IPCEF1: variants seen among roughly 807,000 people sequenced by gnomAD.
IPCEF1 encodes the protein interactor protein for cytohesin exchange factors 1.
Under a neutral mutation model 50.9 loss-of-function variants are expected in IPCEF1, and 31 were observed. The observed-to-expected ratio is 0.61, with a 90% confidence interval of 0.46 to 0.82. The LOEUF is 0.82. Among genes scored for constraint, IPCEF1 ranks in the 40% least tolerant of loss-of-function variants. IPCEF1 has a pLI of 0.00. For synonymous variants in IPCEF1, 181 were observed against 192.0 expected, an observed-to-expected ratio of 0.94 and a Z score of 0.47; for missense variants, 458 against 514.0, an observed-to-expected ratio of 0.89 and a Z score of 1.05.
At chr6:154,345,486 C>T (rs945207731) in intron 1 of IPCEF1, among the ~76,000 whole-genome samples, 60 of 152,098 alleles carry the variant, frequency 3.9e-4, no homozygotes, top group Non-Finnish European at 7.4e-5. Flanking sequence ...AATATAAGAT[C>T]GCAAAAAAAT....
chr6:154,237,268 C>T (rs780180288), intron 5 of IPCEF1, among the ~76,000 whole-genome samples: 7 of 152,238 alleles, frequency 4.6e-5, no homozygotes, highest in Non-Finnish European at 8.8e-5. Context: ...TCACCATTAA[C>T]TCATGTGTTA....
intron 1 of IPCEF1, among the ~76,000 whole-genome samples, chr6:154,331,293 GAGAA>G (rs370236600): frequency 1.4e-4 from 21 of 147,564 alleles, no homozygotes; most frequent in African/African-American, 3.3e-4. Flanking sequence ...GAATTTGAGA[GAGAA>G]AGAAAGAAAG....
At chr6:154,222,998 T>C (rs2128618260) in intron 6 of IPCEF1, 172 bp downstream of exon 6, 1 of 614,896 alleles carries the variant, frequency 1.6e-6, no homozygotes, top group East Asian at 2.8e-5. Context: ...TTCCAGAAAA[T>C]GAGAGGTTAA....
At chr6:154,348,221 T>C (rs1784067602) in intron 1 of IPCEF1, among the ~76,000 whole-genome samples, 1 of 152,192 alleles carries the variant, frequency 6.6e-6, no homozygotes, top group Admixed American at 6.5e-5. Flanking sequence ...CAAACCTTGC[T>C]CCACAGTCCC....
chr6:154,258,680 A>G (rs989390068), intron 3 of IPCEF1, among the ~76,000 whole-genome samples: 1 of 152,180 alleles, frequency 6.6e-6, no homozygotes, highest in Admixed American at 6.5e-5. Context: ...TGCCTTAGTC[A>G]GATCCATATC....
intron 2 of IPCEF1, among the ~76,000 whole-genome samples, chr6:154,271,006 A>T (rs1171637730): frequency 2.0e-5 from 3 of 151,870 alleles, no homozygotes; most frequent in Non-Finnish European, 4.4e-5. Flanking sequence ...AACCAAAAAA[A>T]CTCTTCTTTT....
chr6:154,277,684 C>T (rs548028923), intron 2 of IPCEF1, among the ~76,000 whole-genome samples: 3 of 152,246 alleles, frequency 2.0e-5, no homozygotes, highest in Non-Finnish European at 4.4e-5. Context: ...TAAATTACTG[C>T]GAAGTAATAC....
rs575139572 is a variant in IPCEF1 at position 154,168,467 on chromosome 6, T to C, written c.911-354A>G. ...CCCCTATTTATGAGGGTATCAGTCA[T>C]GTTGGATTAGAAACCTGCCCTATTA... On this transcript the variant is annotated intron_variant, in intron 10 of 11. Transcript: ENST00000367220. The surrounding 1 kb of genome is among the most constrained non-coding windows in gnomAD (Gnocchi z 4.1). 1.2e-4 allele frequency among the ~76,000 whole-genome samples: 19 copies of C among 152,284 alleles called. No individual in the cohort carries two copies. The highest frequency in any genetic ancestry group is 4.3e-4 in the African/African-American group (18 of 41,570).
chr6:154,164,516 C>G (rs1440539354), intron 11 of IPCEF1, among the ~76,000 whole-genome samples: 1 of 152,208 alleles, frequency 6.6e-6, no homozygotes, highest in African/African-American at 2.4e-5. Context: ...GCGCATGAGG[C>G]TTTTGGAGGG....
chr6:154,212,797 A>G lies in IPCEF1; in HGVS notation c.510T>C (p.Pro170=). The G allele has an allele frequency of 6.2e-7, 1 of 1,613,394 alleles. No homozygotes were observed. The highest frequency in any genetic ancestry group is 1.3e-5 in the African/African-American group (1 of 75,042). The change falls in exon 9 of 12, where the codon CCT becomes CCC. Residue 170 remains proline, a synonymous_variant. Transcript: ENST00000367220. ...AAGACTGAGTCTGGGAAGCGTGAGG[A>G]GGGGGTGGTGTCTCCGCAGCTATTT... ...DPEIAAETPP[P]PHASQTQSLT... is the part of the protein sequence containing the mutation.
chr6:154,224,778 C>T (rs1779126357), intron 5 of IPCEF1, among the ~76,000 whole-genome samples: 1 of 152,094 alleles, frequency 6.6e-6, no homozygotes. Context: ...CTTCTTTAAA[C>T]ATTATATATG....
intron 3 of IPCEF1, among the ~76,000 whole-genome samples, chr6:154,250,969 C>T (rs555745950): frequency 1.3e-5 from 2 of 152,240 alleles, no homozygotes; most frequent in East Asian, 1.9e-4. Context: ...CATACCAGAT[C>T]GGCACAGCAC....
chr6:154,208,002 T>G (rs959480434), intron 9 of IPCEF1, among the ~76,000 whole-genome samples: 4 of 152,222 alleles, frequency 2.6e-5, no homozygotes, highest in African/African-American at 4.8e-5. Context: ...TCTTTTGCAA[T>G]AGCTTACTGT....
chr6:154,356,214 T>C (rs935321205), intron 1 of IPCEF1, among the ~76,000 whole-genome samples: 9 of 152,294 alleles, frequency 5.9e-5, no homozygotes, highest in Non-Finnish European at 1.2e-4. Flanking sequence ...ACCAGAGATA[T>C]TTTGGCAAGC....
At position 154,168,873 on chromosome 6, in the gene IPCEF1, T is replaced by A. The variant is rs891648383; in HGVS notation, c.911-760A>T. 6.6e-6 allele frequency among the ~76,000 whole-genome samples: 1 copy of A among 151,984 alleles called. No individual in the cohort carries two copies. Among genetic ancestry groups the A allele is most frequent in the Non-Finnish European group, 1.5e-5 (1 of 68,000 alleles). Reference sequence around the variant, plus strand: ...CGCCCACCTTGGCCTCCCAAAGTGCTGGGATTACAGGTGTGAGCCACCACG... The same window carrying A: ...CGCCCACCTTGGCCTCCCAAAGTGCAGGGATTACAGGTGTGAGCCACCACG... On this transcript the variant is annotated intron_variant, in intron 10 of 11. Transcript: ENST00000367220. The surrounding 1 kb of genome is among the most constrained non-coding windows in gnomAD (Gnocchi z 4.1).
In IPCEF1 at chr6:154,175,165, T is replaced by C. The variant is rs533892892; in HGVS notation, c.911-7052A>G. Among the ~76,000 whole-genome samples, 356 of 152,306 alleles carry C rather than the reference T, an allele frequency of 2.3e-3. 1 individual carries two copies. The highest frequency in any genetic ancestry group is 8.4e-3 in the African/African-American group (349 of 41,554). On this transcript the variant is annotated intron_variant, in intron 10 of 11. Coordinates refer to ENST00000367220, the MANE Select transcript of IPCEF1 (RefSeq NM_001130700.2). ...ACGTACCAGAAGCTCTGGGACACAT[T>C]TAAAGCAGTGTTTAGAGGGAAATTT...
chr6:154,331,631 A>G (rs1243615589), intron 1 of IPCEF1, among the ~76,000 whole-genome samples: 1 of 152,178 alleles, frequency 6.6e-6, no homozygotes, highest in Non-Finnish European at 1.5e-5. Flanking sequence ...GCAGCTTCCC[A>G]ATAAGATCCC....
At chr6:154,283,557 C>A (rs1362563939) in intron 2 of IPCEF1, among the ~76,000 whole-genome samples, 1 of 151,428 alleles carries the variant, frequency 6.6e-6, no homozygotes, top group Non-Finnish European at 1.5e-5. Flanking sequence ...GAGATCGCGC[C>A]ACTGCACTCC....
chr6:154,349,576 G>C (rs1481609416), intron 1 of IPCEF1, among the ~76,000 whole-genome samples: 1 of 151,736 alleles, frequency 6.6e-6, no homozygotes, highest in African/African-American at 2.4e-5. Context: ...CACTGTGCCT[G>C]GCCTATTTTC....
Sources: allele counts gnomAD v4.1 joint callset (sites outside exome capture counted in the v4.1 genomes callset), GRCh38; gene constraint gnomAD v4.1.1; non-coding constraint Gnocchi (gnomAD v3.1); transcripts MANE v1.5; gene names NCBI Gene and HGNC (gene_info 2026-07-23, HGNC 2026-07-21).